The following HAT1 variants were observed in gnomAD, a reference collection of about 807,000 sequenced individuals.
The protein encoded by HAT1 is histone acetyltransferase type B catalytic subunit.
A neutral mutation model predicts 56.6 loss-of-function variants in HAT1; 20 were observed. That is an observed-to-expected ratio of 0.35 (90% CI 0.25 to 0.51). HAT1 has a LOEUF of 0.51. HAT1 is among the 20% of genes least tolerant of loss of function. The pLI is 0.95. For missense variants in HAT1, 408 were observed against 504.3 expected, an observed-to-expected ratio of 0.81 and a Z score of 1.83; for synonymous variants, 146 against 165.5, an observed-to-expected ratio of 0.88 and a Z score of 0.91.
intron 4 of HAT1, among the ~76,000 whole-genome samples, chr2:171,961,160 C>T (rs1393231852): frequency 6.6e-6 from 1 of 151,798 alleles, no homozygotes; most frequent in Non-Finnish European, 1.5e-5. Context: ...AAAACAAAAG[C>T]TAGGCATGAT....
chr2:171,953,922 G>A (rs1687376458), intron 4 of HAT1, among the ~76,000 whole-genome samples: 1 of 152,156 alleles, frequency 6.6e-6, no homozygotes, highest in Non-Finnish European at 1.5e-5. Flanking sequence ...TTGAACCTGG[G>A]AGGCAGAGGT....
intron 8 of HAT1, among the ~76,000 whole-genome samples, chr2:171,969,460 A>AT (rs1371995248): frequency 1.3e-5 from 2 of 152,190 alleles, no homozygotes; most frequent in Non-Finnish European, 2.9e-5. Context: ...TTGCTAGATG[A>AT]TGTATTACAT....
At chr2:171,924,536 T>C (rs987850732) in intron 1 of HAT1, 2 of 152,240 alleles carry the variant, frequency 1.3e-5, no homozygotes, top group Non-Finnish European at 2.9e-5. Context: ...AGATTTGTTA[T>C]CTTGAAAGTT....
chr2:171,968,782 TC>T (rs1411596531), intron 8 of HAT1, among the ~76,000 whole-genome samples: 2 of 152,222 alleles, frequency 1.3e-5, no homozygotes, highest in African/African-American at 4.8e-5. Context: ...TGCAGATTTT[TC>T]TACTCTTCTG....
chr2:171,967,950 G>A (rs1687723539), intron 8 of HAT1, among the ~76,000 whole-genome samples: 1 of 115,772 alleles, frequency 8.6e-6, no homozygotes, highest in Non-Finnish European at 1.6e-5. Context: ...AAATAGGCTA[G>A]TAAGCAGATT....
chr2:171,936,141 A>G (rs150888750), intron 2 of HAT1, among the ~76,000 whole-genome samples: 108 of 152,326 alleles, frequency 7.1e-4, no homozygotes, highest in Non-Finnish European at 1.2e-3. Flanking sequence ...CCAAGATTTA[A>G]GTCAGATGTA....
At chr2:171,974,207 GAA>G (rs202160940) in intron 8 of HAT1, among the ~76,000 whole-genome samples, 1,759 of 70,616 alleles carry the variant, frequency 0.025, 12 homozygotes, top group Admixed American at 0.041. Flanking sequence ...AAAAGAAAAA[GAA>G]AAAAAAAAAA....
intron 9 of HAT1, among the ~76,000 whole-genome samples, chr2:171,977,539 ATATATATATATATATATATT>A (rs1309768204): frequency 1.1e-4 from 3 of 28,102 alleles, no homozygotes; most frequent in South Asian, 1.3e-3. Context: ...ATATATATAT[ATATATATATATATATATATT>A]TTTTTTTTTT....
At chr2:171,959,982 GTGA>G (rs1687536733) in intron 4 of HAT1, among the ~76,000 whole-genome samples, 1 of 152,152 alleles carries the variant, frequency 6.6e-6, no homozygotes, top group African/African-American at 2.4e-5. Context: ...AATCATTGTG[GTGA>G]TGGAGAGAGG....
In HAT1 at chr2:171,928,578, G is replaced by A. The variant is rs187903554; in HGVS notation, c.112+2937G>A. Among the ~76,000 whole-genome samples, 18 of 152,116 alleles carry A rather than the reference G, an allele frequency of 1.2e-4. No homozygotes were observed. The South Asian group carries it at 1.7e-3, about 14-fold the overall frequency. On this transcript the variant is annotated intron_variant, in intron 2 of 10. Coordinates refer to ENST00000264108, the MANE Select transcript of HAT1 (RefSeq NM_003642.4). Reference sequence around the variant, plus strand: ...GGCTGGAGTGCAGTGGCATGATTGCGGCTCAATGCGATCTCCACCTTCTGG... The same window carrying A: ...GGCTGGAGTGCAGTGGCATGATTGCAGCTCAATGCGATCTCCACCTTCTGG...
chr2:171,926,935 G>C (rs1686614254), intron 2 of HAT1, among the ~76,000 whole-genome samples: 1 of 152,208 alleles, frequency 6.6e-6, no homozygotes, highest in South Asian at 2.1e-4. Context: ...ATAAAGTATA[G>C]TATAGCTATA....
At chr2:171,932,609 T>C (rs1686774584) in intron 2 of HAT1, among the ~76,000 whole-genome samples, 1 of 151,712 alleles carries the variant, frequency 6.6e-6, no homozygotes, top group Non-Finnish European at 1.5e-5. Flanking sequence ...GGCTCAGACA[T>C]GTAATCCCAG....
intron 1 of HAT1, chr2:171,922,720 C>T (rs1686472645): frequency 2.5e-6 from 1 of 404,006 alleles, no homozygotes; most frequent in Non-Finnish European, 4.3e-6. Context: ...GGGTTCTGCG[C>T]CTTCTGCCAG....
intron 3 of HAT1, 139 bp downstream of exon 3, chr2:171,946,922 G>GT (rs939085468): frequency 5.5e-6 from 3 of 543,894 alleles, no homozygotes; most frequent in Non-Finnish European, 6.5e-6. Context: ...TTATAATGGT[G>GT]TTTTTTTACA....
intron 4 of HAT1, among the ~76,000 whole-genome samples, chr2:171,956,840 AC>A (rs1013617031): frequency 6.6e-6 from 1 of 152,210 alleles, no homozygotes; most frequent in African/African-American, 2.4e-5. Context: ...GAAATTCTTA[AC>A]CTATCCAGAT....
At chr2:171,980,794 T>G (rs1202435629) in intron 10 of HAT1, 1 of 147,442 alleles carries the variant, frequency 6.8e-6, no homozygotes, top group East Asian at 2.0e-4. Context: ...AGGCAGAGGT[T>G]GCAGTGAGCT....
At chr2:171,974,121 G>A (rs1427130180) in intron 8 of HAT1, among the ~76,000 whole-genome samples, 1 of 139,198 alleles carries the variant, frequency 7.2e-6, no homozygotes, top group African/African-American at 2.8e-5. Context: ...TGAGGCTGCC[G>A]TGAGCCAAGA....
chr2:171,955,460 A>G lies in HAT1; in HGVS notation c.309+2459A>G, dbSNP rs1275157302. ...AACCCATCTCTACTAAAAATACAAA[A>G]ATTAGCCGGGCGTGGTGGCAGGCAC... On this transcript the variant is annotated intron_variant, in intron 4 of 10. Coordinates refer to ENST00000264108, the MANE Select transcript of HAT1 (RefSeq NM_003642.4). 2.0e-5 allele frequency among the ~76,000 whole-genome samples: 3 copies of G among 151,890 alleles called. No homozygotes were observed. The East Asian group carries it at 5.8e-4, about 30-fold the overall frequency.
chr2:171,933,891 A>G (rs766690633), intron 2 of HAT1, among the ~76,000 whole-genome samples: 25 of 152,226 alleles, frequency 1.6e-4, no homozygotes, highest in Non-Finnish European at 1.0e-4. Flanking sequence ...GTAGTGTTCT[A>G]TAAGTGTAAA....
Sources: allele counts gnomAD v4.1 joint callset (sites outside exome capture counted in the v4.1 genomes callset), GRCh38; gene constraint gnomAD v4.1.1; transcripts MANE v1.5; gene names NCBI Gene and HGNC (gene_info 2026-07-23, HGNC 2026-07-21).